The following CDK14 variants were observed in gnomAD, a reference collection of about 807,000 sequenced individuals.
CDK14 encodes cyclin-dependent kinase 14.
Under a neutral mutation model 60.7 loss-of-function variants are expected in CDK14, and 34 were observed. The ratio of observed to expected loss-of-function variants is 0.56; its 90% CI spans 0.43 to 0.75. The LOEUF (loss-of-function observed/expected upper bound fraction) is 0.75. CDK14 is among the 30% of genes least tolerant of loss of function. The pLI is 0.00. For missense variants in CDK14, 482 were observed against 564.1 expected (o/e 0.85, Z 1.47); for synonymous variants, 197 against 203.7 (o/e 0.97, Z 0.28).
At chr7:90,762,608 A>G (rs1296816499) in intron 4 of CDK14, among the ~76,000 whole-genome samples, 1 of 152,244 alleles carries the variant, frequency 6.6e-6, no homozygotes, top group Non-Finnish European at 1.5e-5. Context: ...ACTATATTTT[A>G]TCTATGAACT....
chr7:90,858,912 T>G (rs1162245077), intron 5 of CDK14, among the ~76,000 whole-genome samples: 1 of 152,202 alleles, frequency 6.6e-6, no homozygotes, highest in Non-Finnish European at 1.5e-5. Context: ...AATACTAAAC[T>G]CTGTGGTAAA....
intron 10 of CDK14, among the ~76,000 whole-genome samples, chr7:90,989,870 T>C (rs1391954231): frequency 2.0e-5 from 3 of 152,308 alleles, no homozygotes; most frequent in East Asian, 1.9e-4. Context: ...GATGTTACTG[T>C]ATTATGTATA....
intron 4 of CDK14, among the ~76,000 whole-genome samples, chr7:90,778,399 C>G (rs1350554771): frequency 4.6e-5 from 7 of 152,144 alleles, no homozygotes; most frequent in Admixed American, 4.6e-4. Context: ...TTGCTCTTAC[C>G]AGTACCCTGG....
intron 4 of CDK14, among the ~76,000 whole-genome samples, chr7:90,761,546 A>G (rs1020616605): frequency 1.3e-5 from 2 of 152,098 alleles, no homozygotes; most frequent in Non-Finnish European, 2.9e-5. Flanking sequence ...GTAGGGAAGG[A>G]GCATTTCTAG....
At chr7:91,125,706 T>C (rs1222424495) in intron 14 of CDK14, among the ~76,000 whole-genome samples, 1 of 152,180 alleles carries the variant, frequency 6.6e-6, no homozygotes, top group Non-Finnish European at 1.5e-5. Flanking sequence ...TTAGAGTCAT[T>C]GGTGGAAATT....
intron 10 of CDK14, among the ~76,000 whole-genome samples, chr7:91,031,494 G>T (rs1291849672): frequency 2.0e-5 from 3 of 151,876 alleles, no homozygotes; most frequent in Non-Finnish European, 4.4e-5. Flanking sequence ...TTTTATAATT[G>T]TTATAAGGAC....
At chr7:90,683,897 C>CGT (rs35197919) in intron 2 of CDK14, among the ~76,000 whole-genome samples, 17,284 of 145,626 alleles carry the variant, frequency 0.12, 1,116 homozygotes, top group East Asian at 0.22. Context: ...AGAAAATGTA[C>CGT]GTGTGTGTGT....
chr7:90,744,133 G>A (rs1803469978), intron 3 of CDK14, among the ~76,000 whole-genome samples: 1 of 152,264 alleles, frequency 6.6e-6, no homozygotes, highest in South Asian at 2.1e-4. Flanking sequence ...AAGGTCTCTG[G>A]TTTCCTAGGC....
intron 4 of CDK14, among the ~76,000 whole-genome samples, chr7:90,787,212 AG>A (rs1392064202): frequency 6.6e-6 from 1 of 152,206 alleles, no homozygotes; most frequent in African/African-American, 2.4e-5. Context: ...GTCGTAGAAA[AG>A]GGAGATGCTG....
chr7:90,922,402 A>T (rs997599988), intron 8 of CDK14, among the ~76,000 whole-genome samples: 1 of 152,166 alleles, frequency 6.6e-6, no homozygotes, highest in Non-Finnish European at 1.5e-5. Flanking sequence ...ATAATTGATA[A>T]TATATGAACC....
At chr7:90,911,432 C>G (rs1792897191) in intron 7 of CDK14, among the ~76,000 whole-genome samples, 1 of 152,088 alleles carries the variant, frequency 6.6e-6, no homozygotes. Flanking sequence ...GACATTACTG[C>G]TGTGTTCTAA....
At chr7:90,597,049 C>T (rs1799207510) in intron 1 of CDK14, 2 of 287,620 alleles carry the variant, frequency 7.0e-6, no homozygotes, top group East Asian at 7.1e-5. Context: ...AGGGGCTGCG[C>T]GGCTGCTTGG....
chr7:91,069,007 G>A (rs1798059204), intron 11 of CDK14, among the ~76,000 whole-genome samples: 1 of 151,820 alleles, frequency 6.6e-6, no homozygotes, highest in African/African-American at 2.4e-5. Flanking sequence ...AAGGTTTTTT[G>A]GTTTGTTTCT....
At chr7:90,663,304 G>A (rs763386875) in intron 2 of CDK14, among the ~76,000 whole-genome samples, 5 of 152,162 alleles carry the variant, frequency 3.3e-5, no homozygotes, top group East Asian at 3.8e-4. Flanking sequence ...TTGGGAAAAC[G>A]TTAAGATTTA....
chr7:90,858,191 TTTCTA>T (rs1458613780), intron 5 of CDK14, among the ~76,000 whole-genome samples: 2 of 152,156 alleles, frequency 1.3e-5, no homozygotes, highest in African/African-American at 4.8e-5. Flanking sequence ...ACTTGATGCT[TTTCTA>T]TAATATTAGT....
intron 6 of CDK14, among the ~76,000 whole-genome samples, chr7:90,876,721 T>A (rs1478715235): frequency 1.3e-5 from 2 of 152,262 alleles, no homozygotes; most frequent in Admixed American, 1.3e-4. Flanking sequence ...ATGTTCTATT[T>A]GTCATCTTTA....
At chr7:91,035,831 G>A (rs1457110538) in intron 10 of CDK14, among the ~76,000 whole-genome samples, 2 of 115,008 alleles carry the variant, frequency 1.7e-5, no homozygotes, top group African/African-American at 6.3e-5. Flanking sequence ...CTGCTTCATG[G>A]TCTTTTTTTT....
intron 10 of CDK14, among the ~76,000 whole-genome samples, chr7:91,004,160 A>G (rs1054310647): frequency 2.6e-5 from 4 of 152,228 alleles, no homozygotes; most frequent in African/African-American, 9.6e-5. Flanking sequence ...GATAAATATG[A>G]AAGAAGAGAT....
chr7:90,710,611 T>C (rs1802024457), intron 2 of CDK14: 2 of 901,836 alleles, frequency 2.2e-6, no homozygotes, highest in South Asian at 1.0e-4. Flanking sequence ...GTTATGCTTT[T>C]ATGTACAGAA....
Sources: allele counts gnomAD v4.1 joint callset (sites outside exome capture counted in the v4.1 genomes callset), GRCh38; gene constraint gnomAD v4.1.1; transcripts MANE v1.5; gene names NCBI Gene and HGNC (gene_info 2026-07-23, HGNC 2026-07-21).